NRXN1: variants seen among roughly 807,000 people sequenced by gnomAD.
NRXN1 encodes the protein neurexin-1.
A neutral mutation model predicts 150.9 loss-of-function variants in NRXN1; 39 were observed. The observed-to-expected ratio is 0.26, with a 90% CI of 0.20 to 0.34. NRXN1 has a LOEUF of 0.34. Ranked by LOEUF, NRXN1 falls within the 10% of genes least tolerant of loss-of-function variation. The probability of loss-of-function intolerance (pLI) is 1.00; values close to 1 mark genes in which losing one functional copy is unlikely to be tolerated. For missense variants in NRXN1, 1,815 were observed against 1,949.9 expected (o/e 0.93, Z 1.30); for synonymous variants, 924 against 757.0 (o/e 1.22, Z -3.62).
chr2:50,347,044 G>C lies in NRXN1; in HGVS notation c.3365-110074C>G. ...CAGGGGAGCGGGCGGCGCGGAGTGG[G>C]CTGAGGGGCCGGCCGCCTCACCGCG... On this transcript the variant is annotated intron_variant, in intron 17 of 22. Coordinates refer to ENST00000401669, the MANE Select transcript of NRXN1 (RefSeq NM_001330078.2). The surrounding 1 kb of genome is among the most constrained non-coding windows in gnomAD (Gnocchi z 4.9). 7.2e-7 allele frequency: 1 copy of C among 1,380,488 alleles called. No homozygotes were observed. The highest frequency in any genetic ancestry group is 9.5e-7 in the Non-Finnish European group (1 of 1,052,982). 85.5% of individuals were successfully genotyped at this position (1,380,488 alleles called of 1,614,324 possible).
intron 21 of NRXN1, chr2:49,972,539 T>C (rs573184016): frequency 6.6e-6 from 1 of 152,178 alleles, no homozygotes; most frequent in African/African-American, 2.4e-5. Flanking sequence ...ATAAGTTTAG[T>C]ATTAATTGCC....
rs1573309550 is a variant in NRXN1 at position 50,506,732 on chromosome 2, A to G, written c.2375-115T>C. On this transcript the variant is annotated intron_variant, in intron 12 of 22. Coordinates refer to ENST00000401669, the MANE Select transcript of NRXN1 (RefSeq NM_001330078.2). ...GAAGGTGAGGGAGAGAGAGGAGAGA[A>G]AGAAGAAAGGAAGAAAGAGAGAGAG... The G allele has an allele frequency of 1.4e-5, 14 of 1,029,612 alleles. No homozygotes were observed. In the East Asian group the frequency reaches 3.7e-4, roughly 27 times the overall value. The allele number at this position is 1,029,612 out of a possible 1,614,324, so 63.8% of individuals were successfully genotyped here.
chr2:50,205,572 G>A (rs1271807603), intron 18 of NRXN1, among the ~76,000 whole-genome samples: 2 of 152,036 alleles, frequency 1.3e-5, no homozygotes, highest in Non-Finnish European at 2.9e-5. Flanking sequence ...ATTCTATGTT[G>A]TATAAGTCAC....
At chr2:50,392,005 G>A (rs1026938027) in intron 17 of NRXN1, among the ~76,000 whole-genome samples, 2 of 152,028 alleles carry the variant, frequency 1.3e-5, no homozygotes, top group African/African-American at 4.8e-5. Context: ...TACTTAATGA[G>A]GCAGATTATG....
At chr2:50,906,681 T>A (rs1267013330) in intron 5 of NRXN1, among the ~76,000 whole-genome samples, 3 of 152,080 alleles carry the variant, frequency 2.0e-5, no homozygotes, top group Non-Finnish European at 4.4e-5. Flanking sequence ...ATCCTTTAGG[T>A]TCCCTTGTTG....
chr2:50,392,418 C>A (rs2081777762), intron 17 of NRXN1, among the ~76,000 whole-genome samples: 1 of 151,992 alleles, frequency 6.6e-6, no homozygotes, highest in Non-Finnish European at 1.5e-5. Flanking sequence ...TAAAACATTG[C>A]CAGATGATAG....
At chr2:50,878,728 G>A (rs976627490) in intron 5 of NRXN1, among the ~76,000 whole-genome samples, 9 of 151,984 alleles carry the variant, frequency 5.9e-5, no homozygotes, top group Non-Finnish European at 1.0e-4. Context: ...TTGTTCCACA[G>A]AACCTTTCAT....
chr2:50,226,648 G>C (rs1018397170), intron 18 of NRXN1, among the ~76,000 whole-genome samples: 2 of 152,088 alleles, frequency 1.3e-5, no homozygotes, highest in African/African-American at 4.8e-5. Context: ...CAGAGGTCCA[G>C]CTAAGGAAGT....
At chr2:50,026,245 T>G (rs1053236244) in intron 21 of NRXN1, among the ~76,000 whole-genome samples, 1 of 152,244 alleles carries the variant, frequency 6.6e-6, no homozygotes, top group Admixed American at 6.5e-5. Context: ...TTGAGGCACA[T>G]GCTATCTGAA....
chr2:50,310,159 C>G (rs189163781), intron 17 of NRXN1, among the ~76,000 whole-genome samples: 6 of 152,216 alleles, frequency 3.9e-5, no homozygotes, highest in Non-Finnish European at 7.4e-5. Flanking sequence ...TGGGATATAC[C>G]AAGGCAACAT....
chr2:50,878,553 A>T (rs1678951865), intron 5 of NRXN1, among the ~76,000 whole-genome samples: 2 of 151,886 alleles, frequency 1.3e-5, no homozygotes, highest in South Asian at 4.1e-4. Flanking sequence ...GCTTTTTATA[A>T]ACTCTGTAAT....
At chr2:49,922,333 C>A in intron 22 of NRXN1, 82 bp from the exon 23 acceptor site, 1 of 1,318,382 alleles carries the variant, frequency 7.6e-7, no homozygotes, top group Admixed American at 2.0e-5. Context: ...CATTTATTAT[C>A]TAATTCTAAC....
intron 5 of NRXN1, among the ~76,000 whole-genome samples, chr2:50,799,920 G>C (rs1210226159): frequency 6.6e-6 from 1 of 151,996 alleles, no homozygotes; most frequent in Non-Finnish European, 1.5e-5. Context: ...ACACACGAGA[G>C]AGACAGAGAC....
chr2:50,069,935 C>G lies in NRXN1; in HGVS notation c.3719-14891G>C, dbSNP rs551239636. Among the ~76,000 whole-genome samples, 46 of 150,264 alleles carry G rather than the reference C, an allele frequency of 3.1e-4. 2 individuals are homozygous for G. ...GTGCGATCTTGGCTCACTGCAAGCT[C>G]CACCTCCCGAGTTCATGCCATTCTC... On this transcript the variant is annotated intron_variant, in intron 19 of 22. Coordinates refer to ENST00000401669, the MANE Select transcript of NRXN1 (RefSeq NM_001330078.2).
intron 5 of NRXN1, among the ~76,000 whole-genome samples, chr2:50,722,660 G>A (rs183329028): frequency 1.3e-5 from 2 of 152,096 alleles, no homozygotes; most frequent in East Asian, 3.9e-4. Context: ...GCTTTTTTAT[G>A]TTTTGTATAG....
intron 17 of NRXN1, among the ~76,000 whole-genome samples, chr2:50,237,388 G>C (rs1362019225): frequency 6.6e-6 from 1 of 152,044 alleles, no homozygotes; most frequent in Non-Finnish European, 1.5e-5. Context: ...AGATGTGACA[G>C]GGTCATACAG....
intron 5 of NRXN1, among the ~76,000 whole-genome samples, chr2:50,636,018 T>C (rs969513604): frequency 1.3e-5 from 2 of 152,178 alleles, no homozygotes; most frequent in Non-Finnish European, 2.9e-5. Context: ...TTAAAATCAC[T>C]ACTCAGCAAT....
At chr2:50,857,149 G>C (rs1287644565) in intron 5 of NRXN1, among the ~76,000 whole-genome samples, 2 of 152,116 alleles carry the variant, frequency 1.3e-5, no homozygotes, top group Non-Finnish European at 2.9e-5. Flanking sequence ...AAGATGCTTT[G>C]TTGAGAGATT....
chr2:50,683,631 C>CAAAAA (rs745831100), intron 5 of NRXN1, among the ~76,000 whole-genome samples: 1 of 8,530 alleles, frequency 1.2e-4, no homozygotes, highest in African/African-American at 1.1e-3. Context: ...GACTCCGTCT[C>CAAAAA]AAAAAAAAAA....
Sources: gnomAD v4.1 joint callset for allele counts (sites outside exome capture counted in the v4.1 genomes callset) on GRCh38, gnomAD v4.1.1 for gene constraint, Gnocchi (gnomAD v3.1) non-coding constraint, MANE v1.5 for transcripts, NCBI Gene and HGNC (gene_info 2026-07-23, HGNC 2026-07-21) for gene names.